CENPE: variants seen among roughly 807,000 people sequenced by gnomAD.
CENPE encodes the protein centromere-associated protein E.
CENPE carries 145 observed loss-of-function variants against 336.1 expected under a neutral mutation model. The observed-to-expected ratio is 0.43, with a 90% CI of 0.38 to 0.50. The LOEUF (loss-of-function observed/expected upper bound fraction) is 0.50, where lower values mean the gene tolerates loss of function less well. CENPE is among the 20% of genes least tolerant of loss of function. CENPE has a pLI of 0.00. For synonymous variants in CENPE, 1,013 were observed against 984.8 expected (o/e 1.03, Z -0.54); for missense variants, 2,719 against 3,023.3 (o/e 0.90, Z 2.36).
rs1004349516 is a variant in CENPE, at chr4:103,139,923, T to A, written c.6070A>T (p.Thr2024Ser). The change falls in exon 38 of 49, where the codon ACT (threonine) becomes TCT (serine). Residue 2024 changes from threonine to serine, a missense_variant. Physicochemically the swap from Thr to Ser is moderately conservative, Grantham distance 58 (BLOSUM62 1). Transcript: ENST00000265148. Reference sequence around the variant, plus strand: ...TCAAGGCTTTCATGAAGTTTCTTAGTCAACTGGAAGTTATCCATTCTCACA... The same window carrying A: ...TCAAGGCTTTCATGAAGTTTCTTAGACAACTGGAAGTTATCCATTCTCACA... ...QSVRMDNFQL[T>S]KKLHESLEEI... 2 of 1,613,448 alleles carry A rather than the reference T, an allele frequency of 1.2e-6. No homozygotes were observed. The highest frequency in any genetic ancestry group is 1.7e-6 in the Non-Finnish European group (2 of 1,179,664).
chr4:103,120,384 A>G, intron 43 of CENPE, 51 bp from the exon 44 acceptor site: 2 of 1,450,114 alleles, frequency 1.4e-6, no homozygotes, highest in South Asian at 1.3e-5. Context: ...ACAGAATCAC[A>G]GTATAGAAAT....
At chr4:103,143,034 G>C (rs1487081028) in intron 34 of CENPE, among the ~76,000 whole-genome samples, 3 of 143,884 alleles carry the variant, frequency 2.1e-5, no homozygotes, top group Admixed American at 2.1e-4. Context: ...AAAAGAAGTT[G>C]ATGTTCTTTC....
At chr4:103,191,312 A>C (rs1757304299) in intron 8 of CENPE, among the ~76,000 whole-genome samples, 2 of 152,200 alleles carry the variant, frequency 1.3e-5, no homozygotes, top group Non-Finnish European at 2.9e-5. Flanking sequence ...TACCCAAAGG[A>C]TTATAAAATC....
At chr4:103,190,171 T>C (rs1757168389) in intron 8 of CENPE, among the ~76,000 whole-genome samples, 1 of 152,194 alleles carries the variant, frequency 6.6e-6, no homozygotes. Flanking sequence ...GAACATTCCA[T>C]GCTCATGGGT....
intron 38 of CENPE, among the ~76,000 whole-genome samples, chr4:103,139,242 A>T (rs547030116): frequency 4.2e-4 from 64 of 152,216 alleles, no homozygotes; most frequent in Non-Finnish European, 7.8e-4. Context: ...TGAGAATAAA[A>T]AAGATTTTTA....
chr4:103,122,224 T>A (rs1379637559), intron 43 of CENPE, among the ~76,000 whole-genome samples: 1 of 152,168 alleles, frequency 6.6e-6, no homozygotes. Context: ...TGTTTTATTA[T>A]AAGTATTTAT....
At chr4:103,152,958 T>G in intron 25 of CENPE, 89 bp downstream of exon 25, 1 of 907,254 alleles carries the variant, frequency 1.1e-6, no homozygotes, top group Admixed American at 2.9e-5. Context: ...ACATTTATTG[T>G]ATATAAATTA....
chr4:103,162,100 C>T (rs753887514), intron 18 of CENPE, among the ~76,000 whole-genome samples: 7 of 151,846 alleles, frequency 4.6e-5, no homozygotes, highest in Non-Finnish European at 7.4e-5. Flanking sequence ...CTGCTTGCCA[C>T]GCTATGAACA....
chr4:103,132,575 A>AT (rs1397961768), intron 42 of CENPE, 118 bp downstream of exon 42: 12 of 475,322 alleles, frequency 2.5e-5, no homozygotes, highest in African/African-American at 2.4e-4. Flanking sequence ...TATCAAATCA[A>AT]TTTTTTTAAA....
chr4:103,153,239 T>G lies in CENPE; in HGVS notation c.3045A>C (p.Ile1015=), dbSNP rs1256855446. 6.2e-7 allele frequency: 1 copy of G among 1,605,900 alleles called. No homozygotes were observed. Among genetic ancestry groups the G allele is most frequent in the Non-Finnish European group, 8.5e-7 (1 of 1,175,992 alleles). The change falls in exon 25 of 49, where the codon ATA becomes ATC. Residue 1015 remains isoleucine (I), a synonymous_variant. Transcript: ENST00000265148. ...TAGCTTCCAAATCCTGTTTTTTATCTATGCCAACCATCTAAAACATAAACA... is the reference window on the plus strand; with the variant it reads ...TAGCTTCCAAATCCTGTTTTTTATCGATGCCAACCATCTAAAACATAAACA... The part of the protein sequence containing the change: ...KDEFQQKMVG[I]DKKQDLEAKN...
rs1287739303 is a variant in CENPE at position 103,132,727 on chromosome 4, C to T, written c.6890G>A (p.Cys2297Tyr). 6.4e-7 allele frequency: 1 copy of T among 1,559,702 alleles called. No individual in the cohort carries two copies. The change falls in exon 42 of 49, where the codon TGT (cysteine) becomes TAT (tyrosine). Residue 2297 changes from cysteine (C) to tyrosine (Y), a missense_variant. Transcript: ENST00000265148. ...NGIQKENDRI[C>Y]QVNNFFNNRI... Reference sequence around the variant, plus strand: ...GTTATTAAAGAAGTTATTCACTTGACAAATCCTATCATTTTCTTTCTGGAT... The same window carrying T: ...GTTATTAAAGAAGTTATTCACTTGATAAATCCTATCATTTTCTTTCTGGAT...
intron 28 of CENPE, 37 bp downstream of exon 28, chr4:103,148,807 A>G: frequency 1.3e-6 from 2 of 1,576,472 alleles, no homozygotes; most frequent in African/African-American, 2.7e-5. Context: ...GAAAGGAAGG[A>G]AGAAGTGACA....
chr4:103,170,172 T>C (rs948109998), intron 16 of CENPE, among the ~76,000 whole-genome samples: 1 of 152,042 alleles, frequency 6.6e-6, no homozygotes, highest in African/African-American at 2.4e-5. Context: ...TTAGGAGAAA[T>C]ACCTAATGTT....
chr4:103,196,886 TAA>T (rs981115568), intron 1 of CENPE, 36 bp from the exon 2 acceptor site: 3 of 997,060 alleles, frequency 3.0e-6, no homozygotes, highest in African/African-American at 3.2e-5. Context: ...TAACCAGTCA[TAA>T]AAGTCATGTC....
At position 103,196,115 on chromosome 4, in the gene CENPE, C is replaced by T. The variant is rs747583423; in HGVS notation, c.238+48G>A. 13 of 1,587,374 alleles carry T rather than the reference C, an allele frequency of 8.2e-6. 1 individual carries two copies. The Admixed American group carries it at 2.0e-4, about 24-fold the overall frequency. The stretch of plus-strand genomic sequence containing the variant: ...GGTAAAACTATGCATGCTTGTTGCA[C>T]AGACGCCCAAGACTAAAATGTTTCT... On this transcript the variant is annotated intron_variant, in intron 3 of 48. Coordinates refer to ENST00000265148, the MANE Select transcript of CENPE (RefSeq NM_001813.3).
intron 16 of CENPE, among the ~76,000 whole-genome samples, chr4:103,170,914 A>C (rs1034144043): frequency 2.4e-4 from 36 of 152,314 alleles, no homozygotes; most frequent in African/African-American, 7.5e-4. Context: ...AATAGACTTT[A>C]CATCAAAAAC....
intron 16 of CENPE, among the ~76,000 whole-genome samples, chr4:103,165,813 C>T (rs935945504): frequency 2.6e-5 from 4 of 151,080 alleles, no homozygotes; most frequent in Admixed American, 6.6e-5. Context: ...GCAAGACCCC[C>T]GTCTCTATAA....
At position 103,134,089 on chromosome 4, in the gene CENPE, C is replaced by T. The variant is rs58855453; in HGVS notation, c.6523-197G>A. On this transcript the variant is annotated intron_variant, in intron 40 of 48. Transcript: ENST00000265148. ...CTTAGGAGAATAACTAACTCCCAGA[C>T]CTATAATTCCTTATTTCTGACTTCT... Among the ~76,000 whole-genome samples, 1,539 of 152,258 alleles carry T rather than the reference C, an allele frequency of 0.01. 30 individuals carry two copies. The highest frequency in any genetic ancestry group is 0.035 in the African/African-American group (1,449 of 41,548).
chr4:103,131,918 A>C (rs1751620906), intron 42 of CENPE, among the ~76,000 whole-genome samples: 1 of 152,238 alleles, frequency 6.6e-6, no homozygotes, highest in Admixed American at 6.5e-5. Context: ...GACAGTAAAA[A>C]GATTAACAGT....
Sources: allele counts gnomAD v4.1 joint callset (sites outside exome capture counted in the v4.1 genomes callset), GRCh38; gene constraint gnomAD v4.1.1; transcripts MANE v1.5; gene names NCBI Gene and HGNC (gene_info 2026-07-23, HGNC 2026-07-21).